GRID1: variants seen among roughly 807,000 people sequenced by gnomAD.
GRID1 encodes glutamate receptor ionotropic, delta-1.
A neutral mutation model predicts 98.0 loss-of-function variants in GRID1; 28 were observed. That is an observed-to-expected ratio of 0.29 (90% CI 0.21 to 0.39). The LOEUF is 0.39. Ranked by LOEUF, GRID1 falls within the 10% of genes least tolerant of loss-of-function variation. GRID1 has a pLI of 1.00. For missense variants in GRID1, 1,111 were observed against 1,340.5 expected, an observed-to-expected ratio of 0.83 and a Z score of 2.67; for synonymous variants, 553 against 538.5, an observed-to-expected ratio of 1.03 and a Z score of -0.37.
chr10:86,085,270 G>A (rs2131933606), intron 4 of GRID1, among the ~76,000 whole-genome samples: 1 of 152,334 alleles, frequency 6.6e-6, no homozygotes, highest in African/African-American at 2.4e-5. Flanking sequence ...GGCTTTCGGG[G>A]CTCAGCCAGT....
intron 2 of GRID1, among the ~76,000 whole-genome samples, chr10:86,316,646 G>T (rs1426886180): frequency 6.6e-6 from 1 of 152,216 alleles, no homozygotes; most frequent in Non-Finnish European, 1.5e-5. Flanking sequence ...ACAGCAAGGG[G>T]TACCTAGCCT....
intron 5 of GRID1, among the ~76,000 whole-genome samples, chr10:85,908,294 G>T (rs1236164036): frequency 6.6e-6 from 1 of 152,074 alleles, no homozygotes; most frequent in Non-Finnish European, 1.5e-5. Context: ...AAATCTAATG[G>T]AATCTATGAA....
chr10:86,304,563 C>T (rs1358535077), intron 2 of GRID1, among the ~76,000 whole-genome samples: 1 of 152,228 alleles, frequency 6.6e-6, no homozygotes, highest in East Asian at 1.9e-4. Flanking sequence ...GATTTCAGGG[C>T]TGCTGACAGA....
At chr10:85,722,812 C>T (rs1841718311) in intron 12 of GRID1, among the ~76,000 whole-genome samples, 191 bp downstream of exon 12, 1 of 152,108 alleles carries the variant, frequency 6.6e-6, no homozygotes, top group African/African-American at 2.4e-5. Flanking sequence ...TGAATTTATA[C>T]ATTTATGTAA....
At chr10:85,671,307 T>G (rs189560926) in intron 12 of GRID1, among the ~76,000 whole-genome samples, 1 of 152,358 alleles carries the variant, frequency 6.6e-6, no homozygotes, top group East Asian at 1.9e-4. Flanking sequence ...AGTGCCATTT[T>G]CCAATAGCAT....
At chr10:86,124,775 G>C (rs1441433599) in intron 4 of GRID1, among the ~76,000 whole-genome samples, 3 of 152,150 alleles carry the variant, frequency 2.0e-5, no homozygotes, top group Admixed American at 2.0e-4. Context: ...TCCATTTCAA[G>C]ACAGACAAAT....
At chr10:86,058,537 T>C (rs1317714120) in intron 4 of GRID1, among the ~76,000 whole-genome samples, 1 of 152,206 alleles carries the variant, frequency 6.6e-6, no homozygotes, top group Non-Finnish European at 1.5e-5. Context: ...ACACATTGTA[T>C]AGAGACAATG....
At chr10:86,171,860 C>T (rs1845492872) in intron 3 of GRID1, among the ~76,000 whole-genome samples, 1 of 152,194 alleles carries the variant, frequency 6.6e-6, no homozygotes, top group South Asian at 2.1e-4. Context: ...GAGGAACACG[C>T]TCTTCCCTAA....
rs901618267 is a variant in GRID1 at position 86,241,550 on chromosome 10, G to A, written c.236-34902C>T. 4.6e-5 allele frequency among the ~76,000 whole-genome samples: 7 copies of A among 152,186 alleles called. No individual in the cohort carries two copies. In the South Asian group the frequency reaches 6.2e-4, roughly 14 times the overall value. On this transcript the variant is annotated intron_variant, in intron 2 of 15. Coordinates refer to ENST00000327946, the MANE Select transcript of GRID1 (RefSeq NM_017551.3). Reference sequence around the variant, plus strand: ...CCCTTAAGCAGAACTCCCCCCCACCGCTATCTGGTCACCAGGGAGTTAGTA... The same window carrying A: ...CCCTTAAGCAGAACTCCCCCCCACCACTATCTGGTCACCAGGGAGTTAGTA...
chr10:86,078,478 A>G (rs1264335306), intron 4 of GRID1, among the ~76,000 whole-genome samples: 3 of 152,174 alleles, frequency 2.0e-5, no homozygotes, highest in East Asian at 3.9e-4. Flanking sequence ...TCCACAAGCC[A>G]TCCCCCTGCC....
chr10:86,063,468 T>C (rs1395022084), intron 4 of GRID1, among the ~76,000 whole-genome samples: 1 of 152,140 alleles, frequency 6.6e-6, no homozygotes, highest in African/African-American at 2.4e-5. Context: ...AAAAGGTTAT[T>C]TCAAAACTGG....
At chr10:85,902,497 AG>A (rs1841402727) in intron 5 of GRID1, among the ~76,000 whole-genome samples, 1 of 152,262 alleles carries the variant, frequency 6.6e-6, no homozygotes, top group Non-Finnish European at 1.5e-5. Context: ...AATTAACAAA[AG>A]TTTCATAGTA....
At chr10:85,961,352 T>C (rs930784159) in intron 4 of GRID1, among the ~76,000 whole-genome samples, 3 of 152,056 alleles carry the variant, frequency 2.0e-5, no homozygotes, top group African/African-American at 7.2e-5. Flanking sequence ...CCGGGAGCTA[T>C]GAGCAGATCC....
chr10:85,868,944 C>T, intron 6 of GRID1, 66 bp downstream of exon 6: 1 of 1,422,228 alleles, frequency 7.0e-7, no homozygotes, highest in Non-Finnish European at 9.9e-7. Flanking sequence ...CACATGTCTC[C>T]CTTGGCCAAG....
chr10:85,822,217 C>G (rs61855968), intron 8 of GRID1, among the ~76,000 whole-genome samples: 6 of 152,122 alleles, frequency 3.9e-5, no homozygotes, highest in African/African-American at 1.4e-4. Context: ...AGCTTCTGCA[C>G]AGCAAAACAA....
intron 12 of GRID1, among the ~76,000 whole-genome samples, chr10:85,685,899 A>C (rs1407588516): frequency 6.6e-6 from 1 of 152,140 alleles, no homozygotes; most frequent in Admixed American, 6.5e-5. Flanking sequence ...TTTAATAAAA[A>C]TGTGCAAGAC....
intron 4 of GRID1, among the ~76,000 whole-genome samples, chr10:86,079,681 C>T (rs1236821470): frequency 6.6e-6 from 1 of 152,150 alleles, no homozygotes; most frequent in Admixed American, 6.5e-5. Context: ...GCCTCCGTGT[C>T]CTCCTCTGTC....
chr10:86,284,543 G>A (rs537904617), intron 2 of GRID1, among the ~76,000 whole-genome samples: 8 of 152,340 alleles, frequency 5.3e-5, no homozygotes, highest in South Asian at 4.1e-4. Context: ...CTACCACTGC[G>A]GAGTTGAACC....
At chr10:85,808,929 G>C (rs1415603396) in intron 8 of GRID1, among the ~76,000 whole-genome samples, 1 of 152,020 alleles carries the variant, frequency 6.6e-6, no homozygotes, top group Non-Finnish European at 1.5e-5. Context: ...TGAGTGAACA[G>C]ACCAGCATTT....
Sources: allele counts gnomAD v4.1 joint callset (sites outside exome capture counted in the v4.1 genomes callset), GRCh38; gene constraint gnomAD v4.1.1; transcripts MANE v1.5; gene names NCBI Gene and HGNC (gene_info 2026-07-23, HGNC 2026-07-21).